KDM2A: variants seen among roughly 807,000 people sequenced by gnomAD.
KDM2A encodes the protein lysine-specific demethylase 2A.
In KDM2A, 3 loss-of-function variants were observed where a neutral mutation model predicts 137.3. That is an observed-to-expected ratio of 0.02 (90% confidence interval 0.01 to 0.06). The LOEUF (loss-of-function observed/expected upper bound fraction) is 0.06. KDM2A is among the 10% of genes least tolerant of loss of function. The pLI is 1.00. For missense variants in KDM2A, 738 were observed against 1,510.6 expected (o/e 0.49, Z 8.48); for synonymous variants, 512 against 541.5 (o/e 0.95, Z 0.76).
intron 6 of KDM2A, among the ~76,000 whole-genome samples, chr11:67,210,121 C>T (rs563820063): frequency 6.6e-6 from 1 of 152,064 alleles, no homozygotes; most frequent in East Asian, 1.9e-4. Context: ...AATCCTAGCA[C>T]TTGGGGAGGC....
At chr11:67,217,334 G>A (rs1858197842) in intron 8 of KDM2A, among the ~76,000 whole-genome samples, 1 of 150,942 alleles carries the variant, frequency 6.6e-6, no homozygotes, top group African/African-American at 2.4e-5. Context: ...TTTAAGCCCT[G>A]TTGATCTTAG....
chr11:67,183,547 G>C (rs1265459288), intron 5 of KDM2A, among the ~76,000 whole-genome samples: 1 of 152,184 alleles, frequency 6.6e-6, no homozygotes. Flanking sequence ...TGGAGTTCAG[G>C]AGTCTATTGA....
At chr11:67,181,016 GCATTTA>G (rs1336796301) in intron 3 of KDM2A, among the ~76,000 whole-genome samples, 7 of 147,948 alleles carry the variant, frequency 4.7e-5, no homozygotes, top group African/African-American at 1.8e-4. Context: ...TTTCTGTTTA[GCATTTA>G]TAAGATGACT....
At chr11:67,241,894 C>T (rs1359495349) in intron 12 of KDM2A, among the ~76,000 whole-genome samples, 1 of 152,040 alleles carries the variant, frequency 6.6e-6, no homozygotes, top group Admixed American at 6.6e-5. Context: ...CATGGTGAAA[C>T]TCCGTCTCTA....
At position 67,254,924 on chromosome 11, in the gene KDM2A, A is replaced by G. The variant is rs1362279530; in HGVS notation, c.3358A>G (p.Asn1120Asp). Residue 1120 changes from asparagine to aspartate, a missense_variant, in exon 21 of 21, where the codon AAC becomes GAC. Coordinates refer to ENST00000529006, the MANE Select transcript of KDM2A (RefSeq NM_012308.3). The surrounding 1 kb of genome is among the most constrained non-coding windows in gnomAD (Gnocchi z 4.7). ...QTLIYLRRIA[N>D]VTLIDLRGCK... ...CCTGATCTACCTACGGCGCATTGCC[A>G]ACGTCACCTTGATCGACCTTCGAGG... 4 of 1,614,036 alleles carry G rather than the reference A, an allele frequency of 2.5e-6. No individual in the cohort carries two copies. The Admixed American group carries it at 6.7e-5, about 27-fold the overall frequency.
rs376510147 is a variant in KDM2A at position 67,206,142 on chromosome 11, A to C, written c.308-1368A>C. Reference sequence around the variant, plus strand: ...AGTATAGGAGCTGAGATTTAAACTTAGGTCTCAGGCAGGTGCAGTGGCTCA... The same window carrying C: ...AGTATAGGAGCTGAGATTTAAACTTCGGTCTCAGGCAGGTGCAGTGGCTCA... On this transcript the variant is annotated intron_variant, in intron 5 of 20. Transcript: ENST00000529006. Among the ~76,000 whole-genome samples, 84 of 152,312 alleles carry C rather than the reference A, an allele frequency of 5.5e-4. No individual in the cohort carries two copies. In the South Asian group the frequency reaches 0.017, roughly 31 times the overall value.
chr11:67,204,038 T>G (rs1857729891), intron 5 of KDM2A, among the ~76,000 whole-genome samples: 1 of 152,038 alleles, frequency 6.6e-6, no homozygotes, highest in South Asian at 2.1e-4. Flanking sequence ...TGACCTCAAG[T>G]GATCTGCCCG....
At chr11:67,191,877 A>G (rs992947904) in intron 5 of KDM2A, among the ~76,000 whole-genome samples, 1 of 152,222 alleles carries the variant, frequency 6.6e-6, no homozygotes, top group East Asian at 1.9e-4. Flanking sequence ...TACAAATTGT[A>G]AAGGAAGAAG....
At chr11:67,210,852 T>C (rs1857956397) in intron 6 of KDM2A, among the ~76,000 whole-genome samples, 1 of 152,188 alleles carries the variant, frequency 6.6e-6, no homozygotes, top group Non-Finnish European at 1.5e-5. Flanking sequence ...TTTACATTTA[T>C]AGCTAGAGGC....
rs996486181 is a variant in KDM2A, at chr11:67,131,354, C to T, written c.42+9996C>T. 2.6e-5 allele frequency among the ~76,000 whole-genome samples: 4 copies of T among 151,602 alleles called. No homozygotes were observed. The East Asian group carries it at 7.7e-4, about 29-fold the overall frequency. On this transcript the variant is annotated intron_variant, in intron 2 of 20. Transcript: ENST00000529006. ...AAATAATAATAATAACACTCTTACT[C>T]CACGGTGTGTAGGCTGAGTACTTTC...
chr11:67,165,491 A>T (rs1182559189), intron 2 of KDM2A, among the ~76,000 whole-genome samples: 1 of 152,146 alleles, frequency 6.6e-6, no homozygotes, highest in Non-Finnish European at 1.5e-5. Flanking sequence ...AAATTTCATA[A>T]ATCTTAAGTT....
intron 10 of KDM2A, among the ~76,000 whole-genome samples, chr11:67,222,134 A>T (rs1226393489): frequency 5.7e-5 from 6 of 105,064 alleles, no homozygotes; most frequent in Non-Finnish European, 1.1e-4. Context: ...GGGATTTGGC[A>T]GGGTCATGGG....
At chr11:67,192,005 A>G (rs1252768498) in intron 5 of KDM2A, among the ~76,000 whole-genome samples, 2 of 152,204 alleles carry the variant, frequency 1.3e-5, no homozygotes, top group African/African-American at 4.8e-5. Flanking sequence ...AAATATTTCA[A>G]ATATACATAA....
intron 8 of KDM2A, among the ~76,000 whole-genome samples, chr11:67,216,860 C>A (rs1355677337): frequency 6.6e-6 from 1 of 151,640 alleles, no homozygotes; most frequent in Non-Finnish European, 1.5e-5. Context: ...GTGGAGGTTG[C>A]GGTGAGCTGA....
At chr11:67,163,685 G>A (rs1394938484) in intron 2 of KDM2A, among the ~76,000 whole-genome samples, 2 of 151,912 alleles carry the variant, frequency 1.3e-5, no homozygotes, top group African/African-American at 4.8e-5. Context: ...GTGAAACCCC[G>A]TGTCTACTAA....
intron 2 of KDM2A, among the ~76,000 whole-genome samples, chr11:67,124,185 G>C (rs1219923716): frequency 6.6e-6 from 1 of 150,970 alleles, no homozygotes; most frequent in Non-Finnish European, 1.5e-5. Flanking sequence ...TATATTTTTA[G>C]TAAAGATGGA....
At position 67,183,371 on chromosome 11, in the gene KDM2A, A is replaced by G. The variant is rs1057213741; in HGVS notation, c.307+1479A>G. ...TTCCCTCTTGATGAGACATTCTTAC[A>G]GATTGTGGTCCACAGATGACCTGCA... On this transcript the variant is annotated intron_variant, in intron 5 of 20. Transcript: ENST00000529006. 1.9e-4 allele frequency among the ~76,000 whole-genome samples: 29 copies of G among 152,254 alleles called. 1 individual carries two copies.
intron 2 of KDM2A, among the ~76,000 whole-genome samples, chr11:67,147,228 G>A (rs1195877580): frequency 1.3e-5 from 2 of 152,058 alleles, no homozygotes. Flanking sequence ...GCCACTCTGG[G>A]AATGGTCAGG....
At chr11:67,124,614 CTTTTTTT>C (rs34517858) in intron 2 of KDM2A, among the ~76,000 whole-genome samples, 3 of 112,688 alleles carry the variant, frequency 2.7e-5, no homozygotes, top group African/African-American at 6.5e-5. Flanking sequence ...GCCTGGCCCA[CTTTTTTT>C]TTTTTTTTTT....
Sources: allele counts gnomAD v4.1 joint callset (sites outside exome capture counted in the v4.1 genomes callset), GRCh38; gene constraint gnomAD v4.1.1; non-coding constraint Gnocchi (gnomAD v3.1); transcripts MANE v1.5; gene names NCBI Gene and HGNC (gene_info 2026-07-23, HGNC 2026-07-21).